The following KRT79 variants were observed in gnomAD, a reference collection of about 807,000 sequenced individuals.
The protein encoded by KRT79 is keratin, type II cytoskeletal 79.
Under a neutral mutation model 49.0 loss-of-function variants are expected in KRT79, and 51 were observed. That is an observed-to-expected ratio of 1.04 (90% CI 0.83 to 1.31). The LOEUF (loss-of-function observed/expected upper bound fraction) is 1.31. KRT79 is among the 40% of genes most tolerant of loss of function. The probability of loss-of-function intolerance (pLI) is 0.00; values close to 1 mark genes in which losing one functional copy is unlikely to be tolerated. For missense variants in KRT79, 728 were observed against 688.0 expected (o/e 1.06, Z -0.65); for synonymous variants, 312 against 286.6 (o/e 1.09, Z -0.90).
chr12:52,833,241 G>A (rs972263516), intron 1 of KRT79, among the ~76,000 whole-genome samples: 9 of 152,256 alleles, frequency 5.9e-5, no homozygotes, highest in South Asian at 2.1e-4. Context: ...AAGGAGAAGC[G>A]GAAGGGAGCC....
rs146367809 is a variant in KRT79, at chr12:52,821,439, C to G, written c.*433G>C. 9.3e-3 allele frequency: 1,895 copies of G among 204,778 alleles called. 13 individuals are homozygous for G. Among genetic ancestry groups the G allele is most frequent in the Non-Finnish European group, 0.013 (1,313 of 102,080 alleles). 12.7% of individuals were successfully genotyped at this position (204,778 alleles called of 1,614,324 possible). On this transcript the variant is annotated 3_prime_UTR_variant, in exon 9 of 9. Coordinates refer to ENST00000330553, the MANE Select transcript of KRT79 (RefSeq NM_175834.3). ...AGGCAGGACAGACTGCAGCCACAGA[C>G]AGCTAGCTGCAGTTGCACCATTTAT... is the stretch of plus-strand genomic sequence containing the variant.
rs74096644 is a variant in KRT79, at chr12:52,828,757, A to G, written c.855+1266T>C. 9.0e-3 allele frequency among the ~76,000 whole-genome samples: 1,376 copies of G among 152,328 alleles called. 14 individuals are homozygous for G. Among genetic ancestry groups the G allele is most frequent in the African/African-American group, 0.031 (1,294 of 41,572 alleles). On this transcript the variant is annotated intron_variant, in intron 4 of 8. Coordinates refer to ENST00000330553, the MANE Select transcript of KRT79 (RefSeq NM_175834.3). ...CAACTTCTAAAACAACACATAAACT[A>G]GTGCACTATTAGGCTGCATCAATAG...
intron 1 of KRT79, 44 bp downstream of exon 1, chr12:52,833,740 G>T (rs568177470): frequency 2.0e-6 from 3 of 1,515,980 alleles, no homozygotes; most frequent in East Asian, 2.3e-5. Context: ...TAGAGGTCCC[G>T]CTTCTTCCCC....
At chr12:52,824,088 T>C in intron 5 of KRT79, 76 bp from the exon 6 acceptor site, 1 of 1,612,522 alleles carries the variant, frequency 6.2e-7, no homozygotes, top group Non-Finnish European at 8.5e-7. Context: ...CCATGCAAGT[T>C]GAGTATATCT....
rs780648343 is a variant in KRT79, at chr12:52,834,000, GC to G, written c.260del (p.Gly87AlafsTer38). ...TAAATGCCCTGCTGCCAAAGCCAAA[GC>G]CCCCCAGAGCCCGCCCCAACAAGGC... is the stretch of plus-strand genomic sequence containing the variant. ...GGALLGRALG[G>X]FGFGSRAFMG... On this transcript the variant is annotated frameshift_variant, in exon 1 of 9. Transcript: ENST00000330553. LOFTEE classifies it high-confidence loss of function. The G allele has an allele frequency of 1.5e-5, 24 of 1,611,664 alleles. No individual in the cohort carries two copies. The highest frequency in any genetic ancestry group is 5.5e-5 in the South Asian group (5 of 90,850).
chr12:52,821,613 C>CGCCTTATCATT lies in KRT79; in HGVS notation c.*258_*259insAATGATAAGGC. Reference sequence around the variant, plus strand: ...AGAAATTCAGCCTCCTCTCGGTGGTCAAAAGGTCACCCCCAAGTCACCCAA... The same window carrying CGCCTTATCATT: ...AGAAATTCAGCCTCCTCTCGGTGGTCGCCTTATCATTAAAAGGTCACCCCCAAGTCACCCAA... On this transcript the variant is annotated 3_prime_UTR_variant, in exon 9 of 9. Transcript: ENST00000330553. 1 of 494,334 alleles carries CGCCTTATCATT rather than the reference C, an allele frequency of 2.0e-6. No individual in the cohort carries two copies. Among genetic ancestry groups the CGCCTTATCATT allele is most frequent in the Non-Finnish European group, 3.6e-6 (1 of 276,414 alleles). 30.6% of individuals were successfully genotyped at this position (494,334 alleles called of 1,614,324 possible).
intron 4 of KRT79, among the ~76,000 whole-genome samples, chr12:52,827,814 A>C (rs1396568473): frequency 1.3e-5 from 2 of 152,208 alleles, no homozygotes; most frequent in African/African-American, 4.8e-5. Flanking sequence ...ATCAAAGTGG[A>C]AAGCACAAGA....
At chr12:52,825,333 C>A (rs1940161900) in intron 4 of KRT79, among the ~76,000 whole-genome samples, 1 of 152,248 alleles carries the variant, frequency 6.6e-6, no homozygotes, top group Non-Finnish European at 1.5e-5. Flanking sequence ...TTCTCAAACA[C>A]TGGCCCTTCA....
At chr12:52,822,968 A>G in intron 7 of KRT79, 48 bp downstream of exon 7, 1 of 1,578,302 alleles carries the variant, frequency 6.3e-7, no homozygotes, top group East Asian at 2.2e-5. Context: ...GCTCTCCCCC[A>G]GGGCAGGCCC....
chr12:52,834,083 G>A lies in KRT79; in HGVS notation c.178C>T (p.Arg60Ter), dbSNP rs759084678. ...TGGCCCCCCAAGTTATAGAGGCTTC[G>A]GCTGCCAAAGCCACCTGTGCCGGGG... ...CGPGTGGFGSRSLYNLGGHKS... is the reference protein window; with the variant it reads ...CGPGTGGFGS The change falls in exon 1 of 9, where the codon CGA becomes TGA. Residue 60 changes from arginine (R) to a stop codon, truncating the protein, a stop_gained. Coordinates refer to ENST00000330553, the MANE Select transcript of KRT79 (RefSeq NM_175834.3). LOFTEE classifies it high-confidence loss of function. 30 of 1,613,246 alleles carry A rather than the reference G, an allele frequency of 1.9e-5. No individual in the cohort carries two copies. Among genetic ancestry groups the A allele is most frequent in the East Asian group, 6.7e-5 (3 of 44,828 alleles).
intron 4 of KRT79, among the ~76,000 whole-genome samples, chr12:52,829,380 T>C (rs1940217973): frequency 1.3e-5 from 2 of 152,082 alleles, no homozygotes; most frequent in South Asian, 4.1e-4. Flanking sequence ...AATATAACAG[T>C]GGTAAGAGTC....
At chr12:52,822,943 G>A (rs1359853067) in intron 7 of KRT79, 73 bp downstream of exon 7, 4 of 1,482,920 alleles carry the variant, frequency 2.7e-6, no homozygotes, top group African/African-American at 2.8e-5. Context: ...CTTGACCCCG[G>A]AGCAGACTCC....
At chr12:52,830,328 T>C in intron 2 of KRT79, 36 bp from the exon 3 acceptor site, 1 of 1,603,872 alleles carries the variant, frequency 6.2e-7, no homozygotes, top group Non-Finnish European at 8.5e-7. Context: ...AGGCTCAGCC[T>C]GGCTCTGCCT....
chr12:52,830,275 T>G lies in KRT79; in HGVS notation c.716A>C (p.Asn239Thr). 6.2e-7 allele frequency: 1 copy of G among 1,614,244 alleles called. No individual in the cohort carries two copies. The highest frequency in any genetic ancestry group is 8.5e-7 in the Non-Finnish European group (1 of 1,180,036). ...CTCGTTCTCTGCAGCAGTGTGCTTG[T>G]TGATTTCATCCTCGTACCTGTTACA... ...DFKNKYEDEI[N>T]KHTAAENEFV... The change falls in exon 3 of 9, where the codon AAC becomes ACC. Residue 239 changes from asparagine to threonine, a missense_variant. Physicochemically the swap from Asn to Thr is moderately conservative, Grantham distance 65. Transcript: ENST00000330553.
intron 4 of KRT79, among the ~76,000 whole-genome samples, chr12:52,824,723 C>G (rs1320587905): frequency 6.6e-6 from 1 of 152,214 alleles, no homozygotes; most frequent in Non-Finnish European, 1.5e-5. Flanking sequence ...CCATGGCAGG[C>G]TCACAGGGTG....
chr12:52,821,600 T>C lies in KRT79; in HGVS notation c.*272A>G. 1 of 487,796 alleles carries C rather than the reference T, an allele frequency of 2.1e-6. No individual in the cohort carries two copies. Among genetic ancestry groups the C allele is most frequent in the Non-Finnish European group, 3.7e-6 (1 of 268,680 alleles). 30.2% of individuals were successfully genotyped at this position (487,796 alleles called of 1,614,324 possible). A position where few individuals can be genotyped will look rare whatever the true frequency, so the allele number is the denominator to read the frequency against. On this transcript the variant is annotated 3_prime_UTR_variant, in exon 9 of 9. Transcript: ENST00000330553. ...TCCTAATGGCTTGAGAAATTCAGCC[T>C]CCTCTCGGTGGTCAAAAGGTCACCC... is the stretch of plus-strand genomic sequence containing the variant.
intron 1 of KRT79, among the ~76,000 whole-genome samples, chr12:52,831,857 G>A (rs1940261341): frequency 6.6e-6 from 1 of 152,222 alleles, no homozygotes; most frequent in Non-Finnish European, 1.5e-5. Context: ...GCCCAGCTCA[G>A]TAGCAGTACC....
rs778759855 is a variant in KRT79 at position 52,824,270 on chromosome 12, G to C, written c.948C>G (p.Ala316=). 1 of 1,614,094 alleles carries C rather than the reference G, an allele frequency of 6.2e-7. No individual in the cohort carries two copies. Among genetic ancestry groups the C allele is most frequent in the African/African-American group, 1.3e-5 (1 of 74,932 alleles). The change falls in exon 5 of 9, where the codon GCC becomes GCG. Residue 316 remains alanine, a synonymous_variant. Coordinates refer to ENST00000330553, the MANE Select transcript of KRT79 (RefSeq NM_175834.3). ...TCAGCTCATACTGGGCCTTGACCTCGGCGATGATGCTGTCCAGGTCCAGGT... is the reference window on the plus strand; with the variant it reads ...TCAGCTCATACTGGGCCTTGACCTCCGCGATGATGCTGTCCAGGTCCAGGT... ...NRNLDLDSII[A]EVKAQYELIA... is the part of the protein sequence containing the mutation.
chr12:52,829,180 G>A (rs927058758), intron 4 of KRT79, among the ~76,000 whole-genome samples: 1 of 152,094 alleles, frequency 6.6e-6, no homozygotes, highest in Non-Finnish European at 1.5e-5. Context: ...GTGATTCTGC[G>A]GTCAATTCAT....
Sources: gnomAD v4.1 joint callset for allele counts (sites outside exome capture counted in the v4.1 genomes callset) on GRCh38, gnomAD v4.1.1 for gene constraint, MANE v1.5 for transcripts, NCBI Gene and HGNC (gene_info 2026-07-23, HGNC 2026-07-21) for gene names.